Variants in CEP128 observed in about 807,000 individuals in gnomAD.
CEP128 encodes centrosomal protein 128kDa.
Under a neutral mutation model 156.7 loss-of-function variants are expected in CEP128, and 132 were observed. The ratio of observed to expected loss-of-function variants is 0.84; its 90% CI spans 0.73 to 0.97. CEP128 has a LOEUF of 0.97. Among genes scored for constraint, CEP128 ranks in the 50% least tolerant of loss-of-function variants. CEP128 has a pLI of 0.00. For missense variants in CEP128, 1,252 were observed against 1,281.9 expected (o/e 0.98, Z 0.36); for synonymous variants, 469 against 448.9 (o/e 1.04, Z -0.57).
chr14:80,679,630 C>T (rs1248233580), intron 19 of CEP128, among the ~76,000 whole-genome samples: 1 of 152,164 alleles, frequency 6.6e-6, no homozygotes, highest in African/African-American at 2.4e-5. Context: ...TAAACATAGA[C>T]CCTTATCAGG....
intron 19 of CEP128, among the ~76,000 whole-genome samples, chr14:80,639,869 A>G (rs1471952314): frequency 1.3e-5 from 2 of 152,178 alleles, no homozygotes; most frequent in Admixed American, 6.5e-5. Context: ...AAATTTGAAG[A>G]ACAAACAACC....
Position 80,729,058 on chromosome 14 carries a change from G to GGTGTGTGT in CEP128, c.2806+14009_2806+14016dup, listed in dbSNP as rs559470308. 8.4e-3 allele frequency among the ~76,000 whole-genome samples: 882 copies of GGTGTGTGT among 104,904 alleles called. 24 individuals carry two copies. The highest frequency in any genetic ancestry group is 0.01 in the Non-Finnish European group (593 of 56,694). The allele number at this position is 104,904 out of a possible 152,430, so 68.8% of individuals were successfully genotyped here. On this transcript the variant is annotated intron_variant, in intron 19 of 24. Transcript: ENST00000555265. Reference sequence around the variant, plus strand: ...CCTAGTCCCAGGCTGGGCTGGTGGGGGTGTGTGTGTGTGTGTGTGTGTGTG... The same window carrying GGTGTGTGT: ...CCTAGTCCCAGGCTGGGCTGGTGGGGGTGTGTGTGTGTGTGTGTGTGTGTGTGTGTGTG...
At chr14:80,829,810 T>C (rs1885685736) in intron 13 of CEP128, among the ~76,000 whole-genome samples, 1 of 152,132 alleles carries the variant, frequency 6.6e-6, no homozygotes, top group Non-Finnish European at 1.5e-5. Context: ...GTAAAATAAC[T>C]ACTAAGTTAG....
chr14:80,835,594 T>C (rs1400561921), intron 12 of CEP128, among the ~76,000 whole-genome samples: 1 of 152,186 alleles, frequency 6.6e-6, no homozygotes, highest in Non-Finnish European at 1.5e-5. Context: ...ATCTCAATAT[T>C]ATCATTATTA....
intron 19 of CEP128, among the ~76,000 whole-genome samples, chr14:80,639,393 G>T (rs772277102): frequency 1.3e-5 from 2 of 152,178 alleles, no homozygotes; most frequent in South Asian, 2.1e-4. Context: ...AGAACAAGGC[G>T]GGTATTTACA....
chr14:80,837,669 T>C (rs1285172273), intron 11 of CEP128, among the ~76,000 whole-genome samples: 1 of 152,202 alleles, frequency 6.6e-6, no homozygotes, highest in Non-Finnish European at 1.5e-5. Flanking sequence ...TGAGCCAAGA[T>C]TGCGCCACTG....
chr14:80,764,788 G>T (rs938817638), intron 16 of CEP128, among the ~76,000 whole-genome samples: 3 of 152,150 alleles, frequency 2.0e-5, no homozygotes, highest in African/African-American at 4.8e-5. Flanking sequence ...CAAGCTATAT[G>T]CAACAATTAA....
intron 19 of CEP128, among the ~76,000 whole-genome samples, chr14:80,618,299 CAG>C (rs760146750): frequency 6.6e-6 from 1 of 152,074 alleles, no homozygotes; most frequent in African/African-American, 2.4e-5. Flanking sequence ...ATAAAGAAAA[CAG>C]AGAGCTACAC....
intron 16 of CEP128, among the ~76,000 whole-genome samples, chr14:80,770,778 T>C (rs1451455029): frequency 6.6e-6 from 1 of 152,066 alleles, no homozygotes; most frequent in African/African-American, 2.4e-5. Context: ...AAAATATCTG[T>C]AGCACCAAAA....
intron 19 of CEP128, among the ~76,000 whole-genome samples, chr14:80,633,814 T>C (rs2619671): frequency 0.9 from 137,344 of 152,216 alleles, 62,144 homozygotes; most frequent in African/African-American, 0.97. Context: ...TTAAAATAAA[T>C]GTGTGCCCAT....
In CEP128 at chr14:80,743,104, A is replaced by C; in HGVS notation, c.2777T>G (p.Leu926Arg). ...CTTCTCACGATGTATTTCATCCAGA[A>C]GCTGCTCCTGCCTTTCTATCTGTTG... The part of the protein sequence containing the change: ...LFQQIERQEQ[L>R]LDEIHREKRD... The change falls in exon 19 of 25, where the codon CTT (leucine) becomes CGT (arginine). Residue 926 changes from leucine to arginine, a missense_variant. Transcript: ENST00000555265. The C allele has an allele frequency of 6.2e-7, 1 of 1,613,716 alleles. No individual in the cohort carries two copies. The highest frequency in any genetic ancestry group is 8.5e-7 in the Non-Finnish European group (1 of 1,179,778).
chr14:80,748,427 T>C (rs1328557455), intron 18 of CEP128, among the ~76,000 whole-genome samples: 2 of 152,166 alleles, frequency 1.3e-5, no homozygotes, highest in Non-Finnish European at 2.9e-5. Flanking sequence ...ACCATCCTCC[T>C]ATGACAGTCA....
chr14:80,950,117 C>A (rs1040873483), intron 2 of CEP128, among the ~76,000 whole-genome samples: 1 of 152,116 alleles, frequency 6.6e-6, no homozygotes, highest in Non-Finnish European at 1.5e-5. Flanking sequence ...CACAGAGACA[C>A]ACAAAGAGAA....
intron 22 of CEP128, among the ~76,000 whole-genome samples, chr14:80,529,013 G>T (rs192616080): frequency 6.6e-6 from 1 of 152,128 alleles, no homozygotes; most frequent in African/African-American, 2.4e-5. Context: ...CATGTAGAAC[G>T]GATTTTAAGC....
rs3069115 is a variant in CEP128, at chr14:80,617,219, C to CTTTTTTTTTTTTTTTTTTTT, written c.2807-36816_2807-36797dup. Among the ~76,000 whole-genome samples, 2 of 60,216 alleles carry CTTTTTTTTTTTTTTTTTTTT rather than the reference C, an allele frequency of 3.3e-5. 1 individual carries two copies. Among genetic ancestry groups the CTTTTTTTTTTTTTTTTTTTT allele is most frequent in the African/African-American group, 1.3e-4 (2 of 15,470 alleles). The allele number at this position is 60,216 out of a possible 152,430, so 39.5% of individuals were successfully genotyped here. On this transcript the variant is annotated intron_variant, in intron 19 of 24. Transcript: ENST00000555265. Reference sequence around the variant, plus strand: ...ATCACTTAACCTATGTGAATATCATCTTTTTTTTTTTTTTTTTTTTTTTTT... The same window carrying CTTTTTTTTTTTTTTTTTTTT: ...ATCACTTAACCTATGTGAATATCATCTTTTTTTTTTTTTTTTTTTTTTTTTTTTTTTTTTTTTTTTTTTTT...
At chr14:80,481,175 G>C (rs145111225) in intron 14 of CEP128, among the ~76,000 whole-genome samples, 19 of 152,270 alleles carry the variant, frequency 1.2e-4, no homozygotes, top group African/African-American at 4.6e-4. Flanking sequence ...AGACAGGGAA[G>C]AAAAAGAGGT....
rs572946894 is a variant in CEP128, at chr14:80,870,939, T to C, written c.646-8066A>G. Among the ~76,000 whole-genome samples the C allele has an allele frequency of 3.4e-3, 510 of 151,862 alleles. 8 individuals are homozygous for C. Among genetic ancestry groups the C allele is most frequent in the African/African-American group, 0.012 (492 of 41,406 alleles). Reference sequence around the variant, plus strand: ...ATTAAACATACAAGAATCAGCAGCATTTCTATACATAACAACTCAAAAAAA... The same window carrying C: ...ATTAAACATACAAGAATCAGCAGCACTTCTATACATAACAACTCAAAAAAA... On this transcript the variant is annotated intron_variant, in intron 8 of 24. Transcript: ENST00000555265.
chr14:80,559,678 C>T (rs1160617331), intron 20 of CEP128, among the ~76,000 whole-genome samples: 2 of 152,202 alleles, frequency 1.3e-5, no homozygotes, highest in African/African-American at 4.8e-5. Flanking sequence ...GAATTAAGCA[C>T]ATATTCTAGC....
intron 4 of CEP128, among the ~76,000 whole-genome samples, chr14:80,910,245 T>G (rs1464003936): frequency 6.6e-6 from 1 of 152,232 alleles, no homozygotes; most frequent in Admixed American, 6.5e-5. Context: ...TGTGCACCAG[T>G]ATAAATGCAA....
Sources: allele counts gnomAD v4.1 joint callset (sites outside exome capture counted in the v4.1 genomes callset), GRCh38; gene constraint gnomAD v4.1.1; transcripts MANE v1.5; gene names NCBI Gene and HGNC (gene_info 2026-07-23, HGNC 2026-07-21).